Variants in NEGR1 observed in about 807,000 individuals in gnomAD.
NEGR1 encodes IgLON family member 4.
NEGR1 carries 10 observed loss-of-function variants against 40.9 expected under a neutral mutation model. The ratio of observed to expected loss-of-function variants is 0.24; its 90% CI spans 0.15 to 0.42. The LOEUF is 0.42. NEGR1 is among the 10% of genes least tolerant of loss of function. The pLI is 1.00. For synonymous variants in NEGR1, 185 were observed against 166.8 expected, an observed-to-expected ratio of 1.11 and a Z score of -0.84; for missense variants, 352 against 438.9, an observed-to-expected ratio of 0.80 and a Z score of 1.77.
At chr1:71,941,877 T>C (rs919946333) in intron 1 of NEGR1, among the ~76,000 whole-genome samples, 2 of 152,084 alleles carry the variant, frequency 1.3e-5, no homozygotes, top group African/African-American at 4.8e-5. Context: ...CATTTTACAA[T>C]GAAGACACTG....
intron 1 of NEGR1, among the ~76,000 whole-genome samples, chr1:72,172,096 G>T (rs538743410): frequency 1.3e-5 from 2 of 152,144 alleles, no homozygotes; most frequent in Admixed American, 1.3e-4. Context: ...TCAGCAGTAG[G>T]TGGAAGGATG....
At chr1:71,599,605 T>C (rs1436353477) in intron 5 of NEGR1, among the ~76,000 whole-genome samples, 1 of 152,202 alleles carries the variant, frequency 6.6e-6, no homozygotes, top group Non-Finnish European at 1.5e-5. Context: ...TTGAAGAATA[T>C]CATGCATCAC....
intron 6 of NEGR1, among the ~76,000 whole-genome samples, chr1:71,497,952 A>T (rs1646975925): frequency 6.6e-6 from 1 of 152,048 alleles, no homozygotes; most frequent in South Asian, 2.1e-4. Context: ...AGCTTTTTCC[A>T]TTGCAGAAAC....
chr1:72,143,789 A>C (rs1650773604), intron 1 of NEGR1, among the ~76,000 whole-genome samples: 1 of 148,224 alleles, frequency 6.7e-6, no homozygotes, highest in Admixed American at 6.8e-5. Context: ...GCCTTTTATT[A>C]TCTCATATTT....
intron 6 of NEGR1, among the ~76,000 whole-genome samples, chr1:71,528,399 T>A (rs1486862632): frequency 6.6e-6 from 1 of 151,300 alleles, no homozygotes; most frequent in African/African-American, 2.4e-5. Flanking sequence ...TTTAAGATAA[T>A]AACCTATGCT....
chr1:71,735,671 C>T (rs28696247), intron 3 of NEGR1, among the ~76,000 whole-genome samples: 2,975 of 151,734 alleles, frequency 0.02, 79 homozygotes, highest in African/African-American at 0.068. Flanking sequence ...CGTGGGTATA[C>T]ATATAATTAA....
intron 1 of NEGR1, among the ~76,000 whole-genome samples, chr1:71,967,425 C>T (rs1238366967): frequency 1.3e-5 from 2 of 151,832 alleles, no homozygotes; most frequent in East Asian, 3.9e-4. Flanking sequence ...TTTTATATCA[C>T]CAGAGGCTTT....
chr1:72,134,651 T>G (rs995162527), intron 1 of NEGR1, among the ~76,000 whole-genome samples: 6 of 150,788 alleles, frequency 4.0e-5, no homozygotes, highest in African/African-American at 1.5e-4. Context: ...TTCCTTTTTT[T>G]TTTTTTTTTA....
chr1:71,446,612 T>C (rs1443304689), intron 6 of NEGR1, among the ~76,000 whole-genome samples: 3 of 152,196 alleles, frequency 2.0e-5, no homozygotes, highest in African/African-American at 7.2e-5. Flanking sequence ...AAGTTGACAA[T>C]ATTAGACTGT....
chr1:71,807,396 AC>A (rs1657816411), intron 2 of NEGR1, among the ~76,000 whole-genome samples: 1 of 152,300 alleles, frequency 6.6e-6, no homozygotes, highest in African/African-American at 2.4e-5. Flanking sequence ...CAAATAAAGA[AC>A]AATAAAAAAT....
At chr1:72,279,485 T>C (rs1176369465) in intron 1 of NEGR1, among the ~76,000 whole-genome samples, 1 of 152,162 alleles carries the variant, frequency 6.6e-6, no homozygotes, top group East Asian at 1.9e-4. Flanking sequence ...AAAAATAGAA[T>C]ATATTGGGCT....
intron 6 of NEGR1, among the ~76,000 whole-genome samples, chr1:71,457,283 C>T (rs1483129011): frequency 1.3e-5 from 2 of 152,158 alleles, no homozygotes; most frequent in Admixed American, 1.3e-4. Flanking sequence ...CAATCCCCTG[C>T]TTAAGGGCTT....
rs571020347 is a variant in NEGR1, at chr1:72,206,244, A to G, written c.176+76075T>C. The stretch of plus-strand genomic sequence containing the variant: ...TGCTATTTTTAAAAACATCAAATAC[A>G]CATTATTACCAGATGATTATATTTG... On this transcript the variant is annotated intron_variant, in intron 1 of 6. Transcript: ENST00000357731. Among the ~76,000 whole-genome samples, 103 of 152,038 alleles carry G rather than the reference A, an allele frequency of 6.8e-4. 4 individuals carry two copies. Among genetic ancestry groups the G allele is most frequent in the African/African-American group, 2.4e-5 (1 of 41,410 alleles).
At chr1:72,124,516 G>A (rs1243817929) in intron 1 of NEGR1, among the ~76,000 whole-genome samples, 3 of 151,966 alleles carry the variant, frequency 2.0e-5, no homozygotes, top group East Asian at 1.9e-4. Flanking sequence ...AAAGGTTCCC[G>A]GGACCCCGTA....
chr1:71,531,173 T>C (rs1452931525), intron 6 of NEGR1, among the ~76,000 whole-genome samples: 1 of 151,302 alleles, frequency 6.6e-6, no homozygotes, highest in Non-Finnish European at 1.5e-5. Context: ...AATCTCACTA[T>C]ACCTATTCCC....
chr1:71,835,381 T>C (rs377050633), intron 2 of NEGR1, among the ~76,000 whole-genome samples: 1 of 152,176 alleles, frequency 6.6e-6, no homozygotes, highest in Middle Eastern at 3.4e-3. Flanking sequence ...ATTAGAAAAA[T>C]TGTACTCATT....
intron 2 of NEGR1, among the ~76,000 whole-genome samples, chr1:71,874,193 T>A (rs552462089): frequency 1.3e-5 from 2 of 152,150 alleles, no homozygotes. Flanking sequence ...CATTCCACTC[T>A]TGCTTATGAA....
intron 1 of NEGR1, among the ~76,000 whole-genome samples, chr1:72,131,056 A>T (rs1036761590): frequency 1.3e-5 from 2 of 152,178 alleles, no homozygotes; most frequent in African/African-American, 4.8e-5. Context: ...GGTCATATTT[A>T]TATCCACTTA....
intron 3 of NEGR1, among the ~76,000 whole-genome samples, chr1:71,761,328 T>C (rs1346919110): frequency 6.6e-6 from 1 of 152,138 alleles, no homozygotes; most frequent in Non-Finnish European, 1.5e-5. Flanking sequence ...TGTTCAGTAA[T>C]CTTTACTTAC....
Sources: gnomAD v4.1 joint callset for allele counts (sites outside exome capture counted in the v4.1 genomes callset) on GRCh38, gnomAD v4.1.1 for gene constraint, MANE v1.5 for transcripts, NCBI Gene and HGNC (gene_info 2026-07-23, HGNC 2026-07-21) for gene names.